The following DOK6 variants were observed in gnomAD, a reference collection of about 807,000 sequenced individuals.
The protein encoded by DOK6 is docking protein 6.
Under a neutral mutation model 44.0 loss-of-function variants are expected in DOK6, and 22 were observed. That is an observed-to-expected ratio of 0.50 (90% CI 0.36 to 0.71). The LOEUF is 0.71. DOK6 is among the 30% of genes least tolerant of loss of function. The pLI is 0.00. For synonymous variants in DOK6, 166 were observed against 145.5 expected, an observed-to-expected ratio of 1.14 and a Z score of -1.01; for missense variants, 340 against 416.4, an observed-to-expected ratio of 0.82 and a Z score of 1.60.
intron 7 of DOK6, among the ~76,000 whole-genome samples, chr18:69,789,322 T>C (rs1980525298): frequency 1.3e-5 from 2 of 152,168 alleles, no homozygotes; most frequent in South Asian, 4.1e-4. Context: ...ATAGGACCTT[T>C]TACTCTTATT....
At chr18:69,654,695 T>C (rs1465229344) in intron 3 of DOK6, among the ~76,000 whole-genome samples, 1 of 152,228 alleles carries the variant, frequency 6.6e-6, no homozygotes, top group African/African-American at 2.4e-5. Context: ...CAAAGTTGTT[T>C]AGAATTGCTG....
chr18:69,476,907 A>T (rs1980281051), intron 1 of DOK6, among the ~76,000 whole-genome samples: 1 of 152,162 alleles, frequency 6.6e-6, no homozygotes, highest in African/African-American at 2.4e-5. Flanking sequence ...GACTGAAGGA[A>T]TCTAAAGGGG....
At chr18:69,442,950 A>G (rs1979178026) in intron 1 of DOK6, among the ~76,000 whole-genome samples, 1 of 152,230 alleles carries the variant, frequency 6.6e-6, no homozygotes, top group Non-Finnish European at 1.5e-5. Context: ...CAGATGCTCA[A>G]TAAATGCTTG....
intron 1 of DOK6, among the ~76,000 whole-genome samples, chr18:69,482,585 A>G (rs1054454163): frequency 6.6e-6 from 1 of 152,050 alleles, no homozygotes; most frequent in Non-Finnish European, 1.5e-5. Context: ...GCCCATTACC[A>G]AAGTGAGATT....
intron 1 of DOK6, among the ~76,000 whole-genome samples, chr18:69,562,184 A>C (rs923476615): frequency 2.0e-5 from 3 of 152,220 alleles, no homozygotes; most frequent in Non-Finnish European, 2.9e-5. Context: ...TGGAAAGTAG[A>C]TAATGAACAA....
At chr18:69,448,434 C>T (rs1390554640) in intron 1 of DOK6, among the ~76,000 whole-genome samples, 5 of 152,140 alleles carry the variant, frequency 3.3e-5, no homozygotes, top group African/African-American at 7.2e-5. Context: ...TCCAATGGCG[C>T]GTTCTCAGCT....
intron 3 of DOK6, chr18:69,660,747 T>C (rs1985502818): frequency 1.3e-5 from 2 of 150,806 alleles, no homozygotes; most frequent in African/African-American, 2.4e-5. Flanking sequence ...CTCAACTCAC[T>C]GCAACCTCCG....
At chr18:69,448,977 A>T (rs1355410370) in intron 1 of DOK6, among the ~76,000 whole-genome samples, 2 of 152,208 alleles carry the variant, frequency 1.3e-5, no homozygotes, top group African/African-American at 4.8e-5. Context: ...AAATCTGGAT[A>T]CTTTGAAAGT....
At chr18:69,697,335 A>G (rs1599269340) in intron 4 of DOK6, among the ~76,000 whole-genome samples, 2 of 152,290 alleles carry the variant, frequency 1.3e-5, no homozygotes, top group South Asian at 4.1e-4. Flanking sequence ...TAATTAATTC[A>G]ACAGCACTGA....
chr18:69,682,841 A>G (rs970708307), intron 4 of DOK6, among the ~76,000 whole-genome samples: 4 of 152,252 alleles, frequency 2.6e-5, no homozygotes, highest in Admixed American at 2.6e-4. Flanking sequence ...AAAGTAGCTT[A>G]CACTTTCCTT....
At chr18:69,666,686 G>A (rs1354847874) in intron 3 of DOK6, among the ~76,000 whole-genome samples, 1 of 152,184 alleles carries the variant, frequency 6.6e-6, no homozygotes, top group Admixed American at 6.5e-5. Context: ...GAATGGAATG[G>A]ATGATGTGAG....
chr18:69,571,442 T>A (rs1983112978), intron 2 of DOK6, among the ~76,000 whole-genome samples: 1 of 152,028 alleles, frequency 6.6e-6, no homozygotes, highest in East Asian at 1.9e-4. Flanking sequence ...AAAGGAAAAA[T>A]TATTTGAATG....
At chr18:69,699,471 A>C (rs1986462937) in intron 5 of DOK6, among the ~76,000 whole-genome samples, 1 of 151,990 alleles carries the variant, frequency 6.6e-6, no homozygotes, top group Non-Finnish European at 1.5e-5. Context: ...AATTTTAAGG[A>C]GGGAAAAAAC....
At chr18:69,524,263 G>A (rs2144567096) in intron 1 of DOK6, among the ~76,000 whole-genome samples, 1 of 152,112 alleles carries the variant, frequency 6.6e-6, no homozygotes, top group African/African-American at 2.4e-5. Flanking sequence ...TGTAAAAACT[G>A]AACATTCTAT....
At chr18:69,723,577 G>T (rs1340645055) in intron 5 of DOK6, among the ~76,000 whole-genome samples, 1 of 152,198 alleles carries the variant, frequency 6.6e-6, no homozygotes, top group Non-Finnish European at 1.5e-5. Flanking sequence ...ACACCATTGG[G>T]GAAGGTGGCA....
chr18:69,728,719 AG>A (rs1978325522), intron 5 of DOK6, among the ~76,000 whole-genome samples: 1 of 152,068 alleles, frequency 6.6e-6, no homozygotes, highest in Non-Finnish European at 1.5e-5. Flanking sequence ...GGAAGAGAAA[AG>A]GTCTCCTTGG....
chr18:69,727,716 T>C (rs1455209513), intron 5 of DOK6, among the ~76,000 whole-genome samples: 1 of 152,200 alleles, frequency 6.6e-6, no homozygotes, highest in African/African-American at 2.4e-5. Context: ...TTGCAGATGC[T>C]TTACAACTGT....
chr18:69,522,196 G>A (rs1981706401), intron 1 of DOK6, among the ~76,000 whole-genome samples: 1 of 151,310 alleles, frequency 6.6e-6, no homozygotes, highest in East Asian at 1.9e-4. Context: ...TATATTGTTG[G>A]TTCAAAACAA....
At chr18:69,621,528 A>G (rs1441169789) in intron 3 of DOK6, among the ~76,000 whole-genome samples, 1 of 152,168 alleles carries the variant, frequency 6.6e-6, no homozygotes, top group Admixed American at 6.5e-5. Context: ...ATGACTGAGG[A>G]AGTTGACTTT....
Sources: gnomAD v4.1 joint callset for allele counts (sites outside exome capture counted in the v4.1 genomes callset) on GRCh38, gnomAD v4.1.1 for gene constraint, MANE v1.5 for transcripts, NCBI Gene and HGNC (gene_info 2026-07-23, HGNC 2026-07-21) for gene names.